The following LRP1B variants were observed in gnomAD, a reference collection of about 807,000 sequenced individuals.
LRP1B encodes the protein LDL receptor related protein 1B, also known as low-density lipoprotein receptor-related protein 1B.
In LRP1B, 217 loss-of-function variants were observed where a neutral mutation model predicts 556.6. The observed-to-expected ratio is 0.39, with a 90% CI of 0.35 to 0.44. LRP1B has a LOEUF of 0.44. Ranked by LOEUF, LRP1B falls within the 20% of genes least tolerant of loss-of-function variation. LRP1B has a pLI of 1.00. For missense variants in LRP1B, 5,053 were observed against 5,620.8 expected, an observed-to-expected ratio of 0.90 and a Z score of 3.23; for synonymous variants, 2,047 against 1,865.8, an observed-to-expected ratio of 1.10 and a Z score of -2.50.
At chr2:140,685,709 T>C (rs541101677) in intron 41 of LRP1B, among the ~76,000 whole-genome samples, 1 of 152,188 alleles carries the variant, frequency 6.6e-6, no homozygotes, top group Non-Finnish European at 1.5e-5. Flanking sequence ...AACTTAATTA[T>C]ATAGCTGACA....
At chr2:140,878,218 G>T (rs934368852) in intron 25 of LRP1B, among the ~76,000 whole-genome samples, 2 of 151,940 alleles carry the variant, frequency 1.3e-5, no homozygotes, top group African/African-American at 4.8e-5. Flanking sequence ...TGTAATAAAA[G>T]TTCAAAAGTG....
intron 25 of LRP1B, among the ~76,000 whole-genome samples, chr2:140,871,288 C>T (rs1693120061): frequency 6.6e-6 from 1 of 152,100 alleles, no homozygotes; most frequent in African/African-American, 2.4e-5. Context: ...CAATTTAGCA[C>T]ACAGAATGAT....
chr2:141,741,966 G>T (rs1312389904), intron 2 of LRP1B, among the ~76,000 whole-genome samples: 1 of 152,124 alleles, frequency 6.6e-6, no homozygotes, highest in African/African-American at 2.4e-5. Context: ...ATTTGATTTT[G>T]TATATGGCAA....
intron 31 of LRP1B, among the ~76,000 whole-genome samples, chr2:140,837,632 C>T (rs1327503596): frequency 6.6e-6 from 1 of 152,082 alleles, no homozygotes; most frequent in Admixed American, 6.6e-5. Flanking sequence ...AGTTCATGAC[C>T]TTTGTAGGGA....
At chr2:140,992,455 T>G (rs1697121446) in intron 16 of LRP1B, 1 of 152,096 alleles carries the variant, frequency 6.6e-6, no homozygotes, top group African/African-American at 2.4e-5. Flanking sequence ...ATGAATATTG[T>G]GATGCAGTAT....
At chr2:140,397,485 G>A (rs1035911645) in intron 66 of LRP1B, among the ~76,000 whole-genome samples, 1 of 151,920 alleles carries the variant, frequency 6.6e-6, no homozygotes, top group African/African-American at 2.4e-5. Context: ...ATACTTTTTG[G>A]GAAATTTAAC....
chr2:141,200,211 T>G (rs1369561608), intron 6 of LRP1B, among the ~76,000 whole-genome samples: 1 of 152,110 alleles, frequency 6.6e-6, no homozygotes, highest in African/African-American at 2.4e-5. Flanking sequence ...AAAGGAAATA[T>G]AGTACATATA....
At chr2:141,910,792 A>AT (rs921774523) in intron 1 of LRP1B, among the ~76,000 whole-genome samples, 54 of 152,104 alleles carry the variant, frequency 3.6e-4, no homozygotes, top group East Asian at 1.7e-3. Context: ...TTGCTTTTCA[A>AT]TTTTTTTTAA....
intron 3 of LRP1B, among the ~76,000 whole-genome samples, chr2:141,283,214 A>G (rs1227030212): frequency 6.6e-6 from 1 of 152,200 alleles, no homozygotes; most frequent in Non-Finnish European, 1.5e-5. Flanking sequence ...GTGCTAAAAA[A>G]ATATGAGGGG....
intron 25 of LRP1B, among the ~76,000 whole-genome samples, chr2:140,871,340 A>C (rs1019306799): frequency 1.3e-5 from 2 of 152,148 alleles, no homozygotes; most frequent in Admixed American, 6.6e-5. Flanking sequence ...GCATGCTCAC[A>C]CACATATTGA....
chr2:141,475,061 C>T (rs1342776842), intron 3 of LRP1B, among the ~76,000 whole-genome samples: 2 of 152,060 alleles, frequency 1.3e-5, no homozygotes. Context: ...ACTGTCATTC[C>T]CACAGACATT....
chr2:140,666,688 T>C (rs1685288031), intron 41 of LRP1B, among the ~76,000 whole-genome samples: 1 of 152,214 alleles, frequency 6.6e-6, no homozygotes, highest in South Asian at 2.1e-4. Context: ...ATAGTACATT[T>C]TATTTCAAAA....
At chr2:142,025,780 ATTAAT>A (rs1287498183) in intron 1 of LRP1B, among the ~76,000 whole-genome samples, 3 of 152,164 alleles carry the variant, frequency 2.0e-5, no homozygotes, top group African/African-American at 4.8e-5. Context: ...GAGTTGATTG[ATTAAT>A]TTAGTTTCAA....
At chr2:140,576,680 T>C (rs1681538645) in intron 43 of LRP1B, among the ~76,000 whole-genome samples, 2 of 152,202 alleles carry the variant, frequency 1.3e-5, no homozygotes, top group Non-Finnish European at 2.9e-5. Flanking sequence ...TATCAATTAT[T>C]GTGTAGTTCA....
chr2:141,319,207 A>G (rs185012270), intron 3 of LRP1B, among the ~76,000 whole-genome samples: 48 of 149,416 alleles, frequency 3.2e-4, no homozygotes, highest in African/African-American at 1.2e-3. Context: ...ACTATTTTTT[A>G]TTGTTTTTCA....
intron 32 of LRP1B, among the ~76,000 whole-genome samples, chr2:140,804,988 G>A (rs1034840101): frequency 6.6e-6 from 1 of 151,966 alleles, no homozygotes; most frequent in Non-Finnish European, 1.5e-5. Flanking sequence ...ATGTCCTTAA[G>A]GGTTATGTTT....
At chr2:140,665,454 C>A (rs571539726) in intron 41 of LRP1B, among the ~76,000 whole-genome samples, 1 of 152,238 alleles carries the variant, frequency 6.6e-6, no homozygotes, top group African/African-American at 2.4e-5. Flanking sequence ...TGTAACTTCA[C>A]AACACTGTTA....
intron 2 of LRP1B, among the ~76,000 whole-genome samples, chr2:141,707,648 T>C (rs1692193384): frequency 6.6e-6 from 1 of 152,172 alleles, no homozygotes; most frequent in Non-Finnish European, 1.5e-5. Flanking sequence ...AAAACAAATT[T>C]ATTCAGTGTC....
intron 3 of LRP1B, among the ~76,000 whole-genome samples, chr2:141,394,039 A>T (rs1442112491): frequency 6.6e-6 from 1 of 152,162 alleles, no homozygotes; most frequent in African/African-American, 2.4e-5. Flanking sequence ...AACATGCCTT[A>T]GGTTGGGTAT....
Sources: gnomAD v4.1 joint callset for allele counts (sites outside exome capture counted in the v4.1 genomes callset) on GRCh38, gnomAD v4.1.1 for gene constraint, MANE v1.5 for transcripts, NCBI Gene and HGNC (gene_info 2026-07-23, HGNC 2026-07-21) for gene names.